The following ZFPM1 variants were observed in gnomAD, a reference collection of about 807,000 sequenced individuals.
ZFPM1 encodes the protein zinc finger protein, FOG family member 1.
Under a neutral mutation model 46.3 loss-of-function variants are expected in ZFPM1, and 28 were observed. The observed-to-expected ratio is 0.60, with a 90% CI of 0.45 to 0.83. The LOEUF (loss-of-function observed/expected upper bound fraction) is 0.83. Ranked by LOEUF, ZFPM1 falls within the 40% of genes least tolerant of loss-of-function variation. The pLI is 0.00. For synonymous variants in ZFPM1, 957 were observed against 675.9 expected (o/e 1.42, Z -6.45); for missense variants, 1,878 against 1,432.4 (o/e 1.31, Z -5.02).
intron 2 of ZFPM1, 66 bp from the exon 3 acceptor site, chr16:88,488,965 C>T: frequency 1.3e-6 from 2 of 1,554,234 alleles, no homozygotes; most frequent in Non-Finnish European, 1.7e-6. Context: ...TCCTTCCCAG[C>T]TACAGGGAGG....
intron 3 of ZFPM1, among the ~76,000 whole-genome samples, chr16:88,493,824 C>T (rs1284977249): frequency 6.6e-6 from 1 of 152,134 alleles, no homozygotes; most frequent in East Asian, 1.9e-4. Flanking sequence ...GGGAGGCACT[C>T]AGTGGGTGCT....
At chr16:88,516,758 C>T (rs776384085) in intron 4 of ZFPM1, 9 of 394,182 alleles carry the variant, frequency 2.3e-5, no homozygotes, top group East Asian at 3.6e-5. Context: ...GCCTCCTGCC[C>T]GGATCGCCCC....
chr16:88,474,084 G>A (rs1366164151), intron 1 of ZFPM1, among the ~76,000 whole-genome samples: 1 of 152,228 alleles, frequency 6.6e-6, no homozygotes, highest in Non-Finnish European at 1.5e-5. Flanking sequence ...GTAAGCGCAG[G>A]CCGCACCGAT....
rs962719018 is a variant in ZFPM1 at position 88,480,147 on chromosome 16, T to C, written c.41-5792T>C. On this transcript the variant is annotated intron_variant, in intron 1 of 9. Transcript: ENST00000319555. The surrounding 1 kb of genome is among the most constrained non-coding windows in gnomAD (Gnocchi z 4.9). ...TCCTTTCTCCTGGAGCGCTTTTCCC[T>C]GGACCCGGTGCTGGCAGCCTCCTCC... is the stretch of plus-strand genomic sequence containing the variant. Among the ~76,000 whole-genome samples, 3 of 152,060 alleles carry C rather than the reference T, an allele frequency of 2.0e-5. No individual in the cohort carries two copies. The highest frequency in any genetic ancestry group is 4.4e-5 in the Non-Finnish European group (3 of 68,020).
At chr16:88,521,502 C>T (rs1053305648) in intron 4 of ZFPM1, among the ~76,000 whole-genome samples, 2 of 151,544 alleles carry the variant, frequency 1.3e-5, no homozygotes, top group Non-Finnish European at 2.9e-5. Flanking sequence ...AGCACCAACA[C>T]CATGTTCCCT....
At position 88,528,090 on chromosome 16, in the gene ZFPM1, G is replaced by A; in HGVS notation, c.564G>A (p.Val188=). 6.4e-7 allele frequency: 1 copy of A among 1,574,172 alleles called. No homozygotes were observed. The highest frequency in any genetic ancestry group is 1.8e-4 in the Middle Eastern group (1 of 5,406). The change falls in exon 6 of 10, where the codon GTG becomes GTA. Residue 188 remains valine, a synonymous_variant. Transcript: ENST00000319555. The part of the protein sequence containing the change: ...KPVPAGGLLS[V]LLTAEPHSTP... ...TGCCTGCGGGGGGACTCCTGAGCGTGCTCCTCACGGCCGAGCCCCACAGCA... is the reference window on the plus strand; with the variant it reads ...TGCCTGCGGGGGGACTCCTGAGCGTACTCCTCACGGCCGAGCCCCACAGCA...
chr16:88,491,934 G>A (rs1022029820), intron 3 of ZFPM1, among the ~76,000 whole-genome samples: 1 of 152,182 alleles, frequency 6.6e-6, no homozygotes, highest in Non-Finnish European at 1.5e-5. Flanking sequence ...GGCCAGCAGG[G>A]TCAGTGGCCC....
chr16:88,482,089 G>C (rs1248166039), intron 1 of ZFPM1, among the ~76,000 whole-genome samples: 1 of 152,214 alleles, frequency 6.6e-6, no homozygotes, highest in African/African-American at 2.4e-5. Flanking sequence ...GCCGTGGGTT[G>C]GCCTGCTCCA....
intron 3 of ZFPM1, among the ~76,000 whole-genome samples, chr16:88,502,055 C>T (rs1488671908): frequency 2.1e-5 from 1 of 46,776 alleles, no homozygotes; most frequent in African/African-American, 8.5e-5. Flanking sequence ...CGGCTCCACC[C>T]GCCCCCCCCC....
intron 1 of ZFPM1, among the ~76,000 whole-genome samples, chr16:88,466,496 C>T (rs1181396277): frequency 6.6e-6 from 1 of 152,150 alleles, no homozygotes; most frequent in African/African-American, 2.4e-5. Context: ...AGCCCACGAG[C>T]CTCCCAGGGG....
Position 88,533,151 on chromosome 16 carries a change from G to C in ZFPM1, c.1193G>C (p.Ser398Thr), listed in dbSNP as rs770903760. The change falls in exon 10 of 10, where the codon AGT becomes ACT. Residue 398 changes from serine to threonine, a missense_variant. By Grantham distance (58) the Ser-to-Thr change is moderately conservative (BLOSUM62 1). Coordinates refer to ENST00000319555, the MANE Select transcript of ZFPM1 (RefSeq NM_153813.3). ...GHPATKLPPD[S>T]LGSFQQQHTA... ...CACCCCTGCGATCTCTCTGCAGACAGTCTGGGCAGCTTCCAGCAGCAGCAC... is the reference window on the plus strand; with the variant it reads ...CACCCCTGCGATCTCTCTGCAGACACTCTGGGCAGCTTCCAGCAGCAGCAC... 8.1e-6 allele frequency: 12 copies of C among 1,476,776 alleles called. No homozygotes were observed. Among genetic ancestry groups the C allele is most frequent in the Middle Eastern group, 1.8e-4 (1 of 5,590 alleles). The allele number at this position is 1,476,776 out of a possible 1,614,324, so 91.5% of individuals were successfully genotyped here. A position where few individuals can be genotyped will look rare whatever the true frequency, so the allele number is the denominator to read the frequency against.
In ZFPM1 at chr16:88,489,227, C is replaced by T. The variant is rs1351061595; in HGVS notation, c.268+74C>T. The T allele has an allele frequency of 9.3e-6, 14 of 1,506,858 alleles. No individual in the cohort carries two copies. The Middle Eastern group carries it at 6.8e-4, about 73-fold the overall frequency. The allele number at this position is 1,506,858 out of a possible 1,614,324, so 93.3% of individuals were successfully genotyped here. ...GGCCCGGCCCCTGGGAGCAGGGCGA[C>T]GTGGGTGCTGGGGCAGGTGTGCAGG... On this transcript the variant is annotated intron_variant, in intron 3 of 9. Coordinates refer to ENST00000319555, the MANE Select transcript of ZFPM1 (RefSeq NM_153813.3).
intron 5 of ZFPM1, 105 bp downstream of exon 5, chr16:88,527,021 G>T (rs1009704054): frequency 2.0e-6 from 3 of 1,465,898 alleles, no homozygotes; most frequent in Non-Finnish European, 2.7e-6. Flanking sequence ...CTAGGGCAGG[G>T]GATGGGGCAC....
rs1429452473 is a variant in ZFPM1 at position 88,520,567 on chromosome 16, T to TGGGG, written c.402+6049_402+6050insGGGG. ...CTGAAAGGATGGATGGATGGATGGA[T>TGGGG]GGATGGATGGATGGATGGATGGGAG... On this transcript the variant is annotated intron_variant, in intron 4 of 9. Transcript: ENST00000319555. Among the ~76,000 whole-genome samples, 22 of 118,094 alleles carry TGGGG rather than the reference T, an allele frequency of 1.9e-4. No individual in the cohort carries two copies. In the South Asian group the frequency reaches 2.0e-3, roughly 11 times the overall value. The allele number at this position is 118,094 out of a possible 152,430, so 77.5% of individuals were successfully genotyped here.
At chr16:88,524,483 G>T (rs1028489429) in intron 4 of ZFPM1, among the ~76,000 whole-genome samples, 5 of 152,116 alleles carry the variant, frequency 3.3e-5, no homozygotes, top group Admixed American at 6.5e-5. Flanking sequence ...CCCGATGCCA[G>T]CCTGCACAAA....
rs1909212024 is a variant in ZFPM1, at chr16:88,486,148, TATATGCA to T, written c.145+106_145+112del. Reference sequence around the variant, plus strand: ...TGGTGTCTGAGAGGTGTGGGCCAACTATATGCAGGAGTCCAGGACAGGCGTCTTCCAG... The same window carrying T: ...TGGTGTCTGAGAGGTGTGGGCCAACTGGAGTCCAGGACAGGCGTCTTCCAG... On this transcript the variant is annotated intron_variant, in intron 2 of 9. Coordinates refer to ENST00000319555, the MANE Select transcript of ZFPM1 (RefSeq NM_153813.3). 5 of 1,185,912 alleles carry T rather than the reference TATATGCA, an allele frequency of 4.2e-6. No individual in the cohort carries two copies. The African/African-American group carries it at 7.6e-5, about 18-fold the overall frequency. 73.5% of individuals were successfully genotyped at this position (1,185,912 alleles called of 1,614,324 possible).
At position 88,480,478 on chromosome 16, in the gene ZFPM1, C is replaced by T. The variant is rs1908882745; in HGVS notation, c.41-5461C>T. On this transcript the variant is annotated intron_variant, in intron 1 of 9. Coordinates refer to ENST00000319555, the MANE Select transcript of ZFPM1 (RefSeq NM_153813.3). The surrounding 1 kb of genome is among the most constrained non-coding windows in gnomAD (Gnocchi z 4.9). ...GTGGGGGAGGAGCGGGGCCGTGTGGCTGCCAGTGGTCACCCGCCCCACCAG... is the reference window on the plus strand; with the variant it reads ...GTGGGGGAGGAGCGGGGCCGTGTGGTTGCCAGTGGTCACCCGCCCCACCAG... Among the ~76,000 whole-genome samples, 1 of 152,196 alleles carries T rather than the reference C, an allele frequency of 6.6e-6. No homozygotes were observed. Among genetic ancestry groups the T allele is most frequent in the Non-Finnish European group, 1.5e-5 (1 of 68,016 alleles).
chr16:88,500,349 G>T (rs1336662150), intron 3 of ZFPM1, among the ~76,000 whole-genome samples: 2 of 152,184 alleles, frequency 1.3e-5, no homozygotes, highest in Non-Finnish European at 2.9e-5. Flanking sequence ...ACGGCCACAG[G>T]GCGCTCTTGG....
intron 1 of ZFPM1, among the ~76,000 whole-genome samples, chr16:88,458,814 G>A (rs1379131865): frequency 2.0e-5 from 3 of 152,218 alleles, no homozygotes; most frequent in African/African-American, 4.8e-5. Context: ...TCCAGACCTC[G>A]TCTGCCACCC....
Sources: gnomAD v4.1 joint callset for allele counts (sites outside exome capture counted in the v4.1 genomes callset) on GRCh38, gnomAD v4.1.1 for gene constraint, Gnocchi (gnomAD v3.1) non-coding constraint, MANE v1.5 for transcripts, NCBI Gene and HGNC (gene_info 2026-07-23, HGNC 2026-07-21) for gene names.